SCAP: variants seen among roughly 807,000 people sequenced by gnomAD.
SCAP encodes SREBF chaperone.
A neutral mutation model predicts 123.6 loss-of-function variants in SCAP; 65 were observed. The ratio of observed to expected loss-of-function variants is 0.53; its 90% CI spans 0.43 to 0.65. SCAP has a LOEUF of 0.65. SCAP is among the 30% of genes least tolerant of loss of function. The pLI is 0.00. For missense variants in SCAP, 1,398 were observed against 1,712.5 expected, an observed-to-expected ratio of 0.82 and a Z score of 3.24; for synonymous variants, 740 against 726.3, an observed-to-expected ratio of 1.02 and a Z score of -0.30.
intron 1 of SCAP, among the ~76,000 whole-genome samples, chr3:47,443,769 G>C (rs1220538568): frequency 6.6e-6 from 1 of 152,144 alleles, no homozygotes; most frequent in Non-Finnish European, 1.5e-5. Context: ...CCTTCCATAA[G>C]TTAACAGCAG....
chr3:47,425,270 G>C (rs1706074836), intron 8 of SCAP: 2 of 558,714 alleles, frequency 3.6e-6, no homozygotes, highest in Non-Finnish European at 3.1e-6. Context: ...TTGTACATAT[G>C]GACACTCACT....
Position 47,427,619 on chromosome 3 carries a change from C to T in SCAP, c.459G>A (p.Leu153=). The T allele has an allele frequency of 3.1e-6, 5 of 1,614,150 alleles. No individual in the cohort carries two copies. Among genetic ancestry groups the T allele is most frequent in the Non-Finnish European group, 4.2e-6 (5 of 1,180,012 alleles). Residue 153 remains leucine (L), a synonymous_variant, in exon 5 of 23, where the codon CTG becomes CTA. Transcript: ENST00000265565. ...TCCTGAGCTTCCTAAGGCCTGGCAG[C>T]AGGTCGGTCACTTGCAGACACAACT... is the stretch of plus-strand genomic sequence containing the variant. The part of the protein sequence containing the change: ...LEELCLQVTD[L]LPGLRKLRNL...
At chr3:47,472,775 C>G (rs1309680984) in intron 1 of SCAP, among the ~76,000 whole-genome samples, 1 of 151,932 alleles carries the variant, frequency 6.6e-6, no homozygotes, top group Admixed American at 6.6e-5. Flanking sequence ...CCTTACCTGC[C>G]AATGAGCAAC....
At chr3:47,444,101 T>C (rs1310865125) in intron 1 of SCAP, among the ~76,000 whole-genome samples, 3 of 152,356 alleles carry the variant, frequency 2.0e-5, no homozygotes, top group African/African-American at 7.2e-5. Context: ...AGTTAATTTC[T>C]GGTGCTTTCA....
At chr3:47,469,054 A>G (rs1215166375) in intron 1 of SCAP, among the ~76,000 whole-genome samples, 1 of 152,226 alleles carries the variant, frequency 6.6e-6, no homozygotes, top group Non-Finnish European at 1.5e-5. Flanking sequence ...ACACTTAAAA[A>G]TGGTTAAAAT....
chr3:47,425,725 C>A, intron 7 of SCAP, 114 bp from the exon 8 acceptor site: 2 of 1,202,478 alleles, frequency 1.7e-6, no homozygotes, highest in Non-Finnish European at 2.4e-6. Flanking sequence ...CTGGTTTCAC[C>A]AAAGGAAAGG....
chr3:47,435,378 T>C (rs1441143074), intron 2 of SCAP, among the ~76,000 whole-genome samples: 5 of 152,138 alleles, frequency 3.3e-5, no homozygotes, highest in Non-Finnish European at 5.9e-5. Flanking sequence ...TAGACTGTTC[T>C]GTTAAATGTT....
Position 47,420,524 on chromosome 3 carries a change from AG to A in SCAP, c.1563+29del, listed in dbSNP as rs768810038. 1 of 1,544,734 alleles carries A rather than the reference AG, an allele frequency of 6.5e-7. No homozygotes were observed. Among genetic ancestry groups the A allele is most frequent in the South Asian group, 1.2e-5 (1 of 83,366 alleles). ...GCCTGGAGCACCGGCCCTCCAGAAGAGGGCAGGGCAGGGCAGGGGTGGCAGG... is the reference window on the plus strand; with the variant it reads ...GCCTGGAGCACCGGCCCTCCAGAAGAGGCAGGGCAGGGCAGGGGTGGCAGG... On this transcript the variant is annotated intron_variant, in intron 12 of 22. Coordinates refer to ENST00000265565, the MANE Select transcript of SCAP (RefSeq NM_012235.4). The surrounding 1 kb of genome is among the most constrained non-coding windows in gnomAD (Gnocchi z 5.0).
rs1706188049 is a variant in SCAP at position 47,427,464 on chromosome 3, G to C, written c.614C>G (p.Thr205Ser). Residue 205 changes from threonine (T) to serine (S), a missense_variant, in exon 5 of 23, where the codon ACT (threonine) becomes AGT (serine). Transcript: ENST00000265565. The part of the protein sequence containing the change: ...IHQHEPKTLQ[T>S]SATLKDLLFG... ...GGGGCTACCTTTGAGTGTGGCTGAA[G>C]TCTGCAGGGTTTTAGGCTCGTGCTG... 1 of 1,614,214 alleles carries C rather than the reference G, an allele frequency of 6.2e-7. No homozygotes were observed. Among genetic ancestry groups the C allele is most frequent in the Non-Finnish European group, 8.5e-7 (1 of 1,180,026 alleles).
rs778505510 is a variant in SCAP, at chr3:47,413,928, C to T, written c.3766G>A (p.Ala1256Thr). Residue 1256 changes from alanine (A) to threonine (T), a missense_variant, in exon 23 of 23, where the codon GCT becomes ACT. Physicochemically the swap from Ala to Thr is moderately conservative, Grantham distance 58. Coordinates refer to ENST00000265565, the MANE Select transcript of SCAP (RefSeq NM_012235.4). ...PARQILVLDNAAIVCNFGSEL... is the reference protein window; with the variant it reads ...PARQILVLDNTAIVCNFGSEL... ...CTGCCAAAGTTGCAGACAATGGCAG[C>T]GTTGTCCAGCACCAGGATCTGGCGG... The T allele has an allele frequency of 3.1e-6, 5 of 1,613,256 alleles. No individual in the cohort carries two copies. The highest frequency in any genetic ancestry group is 3.4e-6 in the Non-Finnish European group (4 of 1,180,014).
At chr3:47,432,311 C>T (rs1706392872) in intron 3 of SCAP, among the ~76,000 whole-genome samples, 1 of 35,148 alleles carries the variant, frequency 2.8e-5, no homozygotes, top group Admixed American at 5.3e-4. Context: ...AAGACTCCGT[C>T]TTGAAAAAAA....
chr3:47,428,832 A>G (rs1176099602), intron 3 of SCAP, 162 bp from the exon 4 acceptor site: 2 of 710,870 alleles, frequency 2.8e-6, no homozygotes, highest in Non-Finnish European at 2.2e-6. Flanking sequence ...GCAGATAAGA[A>G]AAGAAACAAT....
chr3:47,451,983 T>TC (rs1270002608), intron 1 of SCAP, among the ~76,000 whole-genome samples: 1 of 152,192 alleles, frequency 6.6e-6, no homozygotes, highest in African/African-American at 2.4e-5. Flanking sequence ...CTCTATTCCC[T>TC]CTTCTCTTTA....
rs1431900905 is a variant in SCAP, at chr3:47,414,040, G to T, written c.3654C>A (p.Gly1218=). Residue 1218 remains glycine (G), a synonymous_variant, in exon 23 of 23, where the codon GGC becomes GGA. Transcript: ENST00000265565. ...VISDNLLVTG[G]QGCVSFWDLN... ...GGTCCCAAAAGGAGACACAGCCCTG[G>T]CCGCCAGTCACCAGCAGGTTGTCTG... 1.9e-6 allele frequency: 3 copies of T among 1,613,278 alleles called. No homozygotes were observed. Among genetic ancestry groups the T allele is most frequent in the Non-Finnish European group, 2.5e-6 (3 of 1,180,024 alleles).
At chr3:47,446,670 A>G (rs1459942747) in intron 1 of SCAP, among the ~76,000 whole-genome samples, 1 of 152,026 alleles carries the variant, frequency 6.6e-6, no homozygotes, top group Non-Finnish European at 1.5e-5. Flanking sequence ...AGCTGGGTGC[A>G]GTGACTCATG....
At position 47,426,062 on chromosome 3, in the gene SCAP, A is replaced by G; in HGVS notation, c.845T>C (p.Val282Ala). 1 of 1,614,136 alleles carries G rather than the reference A, an allele frequency of 6.2e-7. No individual in the cohort carries two copies. Among genetic ancestry groups the G allele is most frequent in the South Asian group, 1.1e-5 (1 of 91,086 alleles). Residue 282 changes from valine (V) to alanine (A), a missense_variant, in exon 7 of 23, where the codon GTC (valine) becomes GCC (alanine). This residue lies in a region of SCAP where 319 missense variants were observed against 432.4 expected (regional missense o/e 0.74). Transcript: ENST00000265565. ...GGTCACAAGGGGGATGAGCTCAGCGACACCAATCTCCTCCTTGAAGTGCAC... is the reference window on the plus strand; with the variant it reads ...GGTCACAAGGGGGATGAGCTCAGCGGCACCAATCTCCTCCTTGAAGTGCAC... ...VHVHFKEEIG[V>A]AELIPLVTTY... is the part of the protein sequence containing the mutation.
intron 3 of SCAP, chr3:47,429,137 C>T (rs1706260050): frequency 6.3e-6 from 1 of 159,498 alleles, no homozygotes; most frequent in African/African-American, 2.4e-5. Flanking sequence ...AAATTACTGC[C>T]TTAAAGCCAG....
At chr3:47,418,626 T>TACCCCC in intron 14 of SCAP, 29 bp downstream of exon 14, 2 of 1,459,574 alleles carry the variant, frequency 1.4e-6, no homozygotes, top group Non-Finnish European at 9.5e-7. Flanking sequence ...CCGCACTCTT[T>TACCCCC]CCCACCCCAC....
Position 47,413,720 on chromosome 3 carries a change from TA to T in SCAP, c.*133del. The T allele has an allele frequency of 7.9e-7, 1 of 1,268,586 alleles. No individual in the cohort carries two copies. The highest frequency in any genetic ancestry group is 1.1e-6 in the Non-Finnish European group (1 of 920,328). The allele number at this position is 1,268,586 out of a possible 1,614,324, so 78.6% of individuals were successfully genotyped here. A position where few individuals can be genotyped will look rare whatever the true frequency, so the allele number is the denominator to read the frequency against. On this transcript the variant is annotated 3_prime_UTR_variant, in exon 23 of 23. Coordinates refer to ENST00000265565, the MANE Select transcript of SCAP (RefSeq NM_012235.4). ...CCTGACAGATGATGATATGGTTTTT[TA>T]AAAAAGTTTAATATTATTACAGTCA...
Sources: gnomAD v4.1 joint callset for allele counts (sites outside exome capture counted in the v4.1 genomes callset) on GRCh38, gnomAD v4.1.1 for gene constraint, gnomAD v4.1.1 regional missense constraint, Gnocchi (gnomAD v3.1) non-coding constraint, MANE v1.5 for transcripts, NCBI Gene and HGNC (gene_info 2026-07-23, HGNC 2026-07-21) for gene names.